B4GALNT3: variants seen among roughly 807,000 people sequenced by gnomAD.
B4GALNT3 encodes beta-1,4-N-acetyl-galactosaminyltransferase 3, also known as beta-1,4-N-acetylgalactosaminyltransferase 3.
In B4GALNT3, 86 loss-of-function variants were observed where a neutral mutation model predicts 120.2. The observed-to-expected ratio is 0.72, with a 90% CI of 0.60 to 0.86. B4GALNT3 has a LOEUF of 0.86. Ranked by LOEUF, B4GALNT3 falls within the 40% of genes least tolerant of loss-of-function variation. The probability of loss-of-function intolerance (pLI) is 0.00; values close to 1 mark genes in which losing one functional copy is unlikely to be tolerated. For synonymous variants in B4GALNT3, 518 were observed against 510.4 expected, an observed-to-expected ratio of 1.01 and a Z score of -0.20; for missense variants, 1,167 against 1,298.9, an observed-to-expected ratio of 0.90 and a Z score of 1.56.
intron 1 of B4GALNT3, among the ~76,000 whole-genome samples, chr12:488,928 G>A (rs2120498705): frequency 6.6e-6 from 1 of 151,958 alleles, no homozygotes; most frequent in East Asian, 1.9e-4. Context: ...TGCTAACAAA[G>A]GAGAGAAATA....
chr12:499,110 T>C (rs1946416532), intron 1 of B4GALNT3, among the ~76,000 whole-genome samples: 1 of 152,134 alleles, frequency 6.6e-6, no homozygotes, highest in African/African-American at 2.4e-5. Flanking sequence ...TGGGGGAGGA[T>C]AGAGGGGCAT....
intron 11 of B4GALNT3, 78 bp downstream of exon 11, chr12:551,109 G>C: frequency 1.6e-6 from 2 of 1,254,890 alleles, no homozygotes; most frequent in Non-Finnish European, 2.3e-6. Context: ...GAGGTGGTGA[G>C]GCTGACTTTC....
chr12:531,880 G>A (rs1172325038), intron 1 of B4GALNT3, among the ~76,000 whole-genome samples: 3 of 151,892 alleles, frequency 2.0e-5, no homozygotes, highest in Non-Finnish European at 4.4e-5. Flanking sequence ...CCATTCAGAT[G>A]AAGAAACCAG....
At chr12:516,112 C>G (rs1267816217) in intron 1 of B4GALNT3, among the ~76,000 whole-genome samples, 1 of 150,650 alleles carries the variant, frequency 6.6e-6, no homozygotes, top group Non-Finnish European at 1.5e-5. Flanking sequence ...TGCCACTGCA[C>G]TCCAGCCTGG....
At chr12:478,556 G>C (rs1946206766) in intron 1 of B4GALNT3, among the ~76,000 whole-genome samples, 1 of 152,146 alleles carries the variant, frequency 6.6e-6, no homozygotes, top group Admixed American at 6.5e-5. Context: ...AAAAAGAATA[G>C]GGAAGTTCAG....
chr12:554,592 C>T (rs917139201), intron 14 of B4GALNT3, among the ~76,000 whole-genome samples: 11 of 150,446 alleles, frequency 7.3e-5, no homozygotes, highest in Non-Finnish European at 1.2e-4. Flanking sequence ...AGATCGAGAC[C>T]ATCCTGGCTA....
chr12:512,153 C>CTTCCACA (rs1946581949), intron 1 of B4GALNT3, among the ~76,000 whole-genome samples: 1 of 92,708 alleles, frequency 1.1e-5, no homozygotes, highest in African/African-American at 5.4e-5. Flanking sequence ...CACCTTCCGC[C>CTTCCACA]TTCCGCCTTC....
intron 3 of B4GALNT3, among the ~76,000 whole-genome samples, chr12:538,325 G>A (rs990166898): frequency 1.3e-5 from 2 of 152,114 alleles, no homozygotes; most frequent in African/African-American, 4.8e-5. Context: ...GGGAAGCCGA[G>A]GTGGGAGGAT....
At chr12:542,129 C>A (rs143848709) in intron 3 of B4GALNT3, among the ~76,000 whole-genome samples, 1 of 152,334 alleles carries the variant, frequency 6.6e-6, no homozygotes, top group Non-Finnish European at 1.5e-5. Flanking sequence ...TCTCCCACTT[C>A]TGTTTCTGTG....
rs55927726 is a variant in B4GALNT3 at position 500,865 on chromosome 12, C to CTTTTTTTTTTTTTTTTTTTTTT, written c.170-34281_170-34280insTTTTTTTTTTTTTTTTTTTTTT. 4.5e-4 allele frequency among the ~76,000 whole-genome samples: 28 copies of CTTTTTTTTTTTTTTTTTTTTTT among 61,812 alleles called. 10 individuals carry two copies. Among genetic ancestry groups the CTTTTTTTTTTTTTTTTTTTTTT allele is most frequent in the South Asian group, 1.3e-3 (2 of 1,492 alleles). 40.6% of individuals were successfully genotyped at this position (61,812 alleles called of 152,430 possible). A position where few individuals can be genotyped will look rare whatever the true frequency, so the allele number is the denominator to read the frequency against. ...CTGAATTTGAATCCTGGCTCCACTG[C>CTTTTTTTTTTTTTTTTTTTTTT]TTTTTTTTTTTTTTTTTTTTGACAC... On this transcript the variant is annotated intron_variant, in intron 1 of 19. Coordinates refer to ENST00000266383, the MANE Select transcript of B4GALNT3 (RefSeq NM_173593.4).
chr12:464,617 G>A (rs1946058589), intron 1 of B4GALNT3, among the ~76,000 whole-genome samples: 1 of 143,612 alleles, frequency 7.0e-6, no homozygotes, highest in African/African-American at 2.5e-5. Flanking sequence ...GAGTGACAGA[G>A]CGAGACTCTA....
intron 1 of B4GALNT3, among the ~76,000 whole-genome samples, chr12:515,702 A>C (rs1946646534): frequency 6.6e-6 from 1 of 152,148 alleles, no homozygotes; most frequent in South Asian, 2.1e-4. Flanking sequence ...AGAGATGAAA[A>C]CCAAGGCTTA....
At chr12:533,592 G>T (rs1946828783) in intron 1 of B4GALNT3, among the ~76,000 whole-genome samples, 1 of 152,148 alleles carries the variant, frequency 6.6e-6, no homozygotes, top group African/African-American at 2.4e-5. Context: ...AGAAAACCTG[G>T]GCCTGTGAGA....
chr12:487,113 A>G (rs963292799), intron 1 of B4GALNT3, among the ~76,000 whole-genome samples: 3 of 152,206 alleles, frequency 2.0e-5, no homozygotes. Context: ...GAGCTTTAGG[A>G]TATGACGACA....
intron 1 of B4GALNT3, among the ~76,000 whole-genome samples, chr12:487,911 A>G (rs1946305560): frequency 1.3e-5 from 2 of 152,170 alleles, no homozygotes; most frequent in South Asian, 4.1e-4. Context: ...TGGTTACACC[A>G]TTGCACTCCA....
In B4GALNT3 at chr12:486,394, G is replaced by A. The variant is rs112468550; in HGVS notation, c.169+25849G>A. On this transcript the variant is annotated intron_variant, in intron 1 of 19. Coordinates refer to ENST00000266383, the MANE Select transcript of B4GALNT3 (RefSeq NM_173593.4). ...CCGGCTAATTTTTGTCTTTTTAGTA[G>A]AGATGGGGTTTCACCATCTTGGCCA... is the stretch of plus-strand genomic sequence containing the variant. Among the ~76,000 whole-genome samples, 109 of 151,668 alleles carry A rather than the reference G, an allele frequency of 7.2e-4. 2 individuals carry two copies. The highest frequency in any genetic ancestry group is 2.5e-3 in the African/African-American group (103 of 41,454).
intron 1 of B4GALNT3, among the ~76,000 whole-genome samples, chr12:520,087 G>A (rs555990687): frequency 2.6e-5 from 4 of 152,290 alleles, no homozygotes; most frequent in South Asian, 4.1e-4. Context: ...GACCTGGATC[G>A]ACGCGCTGGC....
intron 4 of B4GALNT3, 98 bp downstream of exon 4, chr12:544,532 T>G (rs1427810447): frequency 7.1e-6 from 8 of 1,127,874 alleles, no homozygotes; most frequent in Non-Finnish European, 1.1e-5. Context: ...CTGGTCCATA[T>G]TTTCTCCTTT....
At chr12:507,283 A>G (rs981804133) in intron 1 of B4GALNT3, among the ~76,000 whole-genome samples, 52 of 152,228 alleles carry the variant, frequency 3.4e-4, no homozygotes, top group African/African-American at 1.2e-3. Flanking sequence ...ACATAACTAT[A>G]TGTTTTGAAC....
Sources: allele counts gnomAD v4.1 joint callset (sites outside exome capture counted in the v4.1 genomes callset), GRCh38; gene constraint gnomAD v4.1.1; transcripts MANE v1.5; gene names NCBI Gene and HGNC (gene_info 2026-07-23, HGNC 2026-07-21).